The following DGKD variants were observed in gnomAD, a reference collection of about 807,000 sequenced individuals.
DGKD encodes diacylglycerol kinase delta.
A neutral mutation model predicts 154.4 loss-of-function variants in DGKD; 68 were observed. The ratio of observed to expected loss-of-function variants is 0.44; its 90% CI spans 0.36 to 0.54. The LOEUF (loss-of-function observed/expected upper bound fraction) is 0.54. DGKD is among the 20% of genes least tolerant of loss of function. The probability of loss-of-function intolerance (pLI) is 0.00; values close to 1 mark genes in which losing one functional copy is unlikely to be tolerated. For missense variants in DGKD, 1,343 were observed against 1,593.6 expected (o/e 0.84, Z 2.68); for synonymous variants, 693 against 638.0 (o/e 1.09, Z -1.30).
At chr2:233,408,497 C>T (rs1056922537) in intron 3 of DGKD, among the ~76,000 whole-genome samples, 4 of 152,212 alleles carry the variant, frequency 2.6e-5, no homozygotes, top group South Asian at 4.1e-4. Flanking sequence ...GCCCCACGTT[C>T]GTTAGCAGCT....
chr2:233,443,272 C>T lies in DGKD; in HGVS notation c.1194+1277C>T, dbSNP rs577242459. ...TAATTCCTGGTGAAGTTGAACGCCT[C>T]CTCAGTTGGTTATGAAGTTTTAAAT... On this transcript the variant is annotated intron_variant, in intron 10 of 29. Coordinates refer to ENST00000264057, the MANE Select transcript of DGKD (RefSeq NM_152879.3). Among the ~76,000 whole-genome samples, 7 of 152,328 alleles carry T rather than the reference C, an allele frequency of 4.6e-5. No homozygotes were observed. In the South Asian group the frequency reaches 1.2e-3, roughly 27 times the overall value.
intron 3 of DGKD, among the ~76,000 whole-genome samples, chr2:233,395,127 G>A (rs1188780792): frequency 1.3e-5 from 2 of 152,052 alleles, no homozygotes; most frequent in African/African-American, 2.4e-5. Flanking sequence ...TCTGATGCCT[G>A]TGTTTTGTGG....
intron 12 of DGKD, chr2:233,447,365 T>C: frequency 2.1e-6 from 1 of 473,088 alleles, no homozygotes; most frequent in Non-Finnish European, 2.8e-6. Flanking sequence ...TATTTTGTGC[T>C]GGTGCAGTGC....
chr2:233,463,723 T>C, intron 26 of DGKD: 1 of 212,222 alleles, frequency 4.7e-6, no homozygotes. Context: ...ACAGAAATCC[T>C]CACTCTACGC....
At chr2:233,443,667 G>A (rs568919909) in intron 10 of DGKD, among the ~76,000 whole-genome samples, 4 of 152,370 alleles carry the variant, frequency 2.6e-5, no homozygotes, top group Admixed American at 2.0e-4. Context: ...GTATTTCCAG[G>A]TGGGTGGATT....
At chr2:233,429,910 C>T (rs537241502) in intron 3 of DGKD, among the ~76,000 whole-genome samples, 2 of 152,372 alleles carry the variant, frequency 1.3e-5, no homozygotes, top group Admixed American at 6.5e-5. Context: ...CATTTATCCC[C>T]TCTGCGGTGA....
intron 3 of DGKD, among the ~76,000 whole-genome samples, chr2:233,401,549 G>T (rs1157493979): frequency 6.6e-6 from 1 of 152,106 alleles, no homozygotes; most frequent in African/African-American, 2.4e-5. Flanking sequence ...ACCTTAGAGA[G>T]GAAAGACAAG....
At chr2:233,468,278 G>GGCT (rs2124972925) in intron 28 of DGKD, 145 bp from the exon 29 acceptor site, 2 of 931,684 alleles carry the variant, frequency 2.1e-6, no homozygotes, top group Non-Finnish European at 3.1e-6. Context: ...CTCAGGCGCT[G>GGCT]GCTGCTGCTG....
chr2:233,379,702 C>T (rs1213317410), intron 1 of DGKD: 1 of 152,144 alleles, frequency 6.6e-6, no homozygotes, highest in African/African-American at 2.4e-5. Context: ...ACTTGGTGTG[C>T]TTAGGAACCA....
chr2:233,458,212 G>GGAGT lies in DGKD; in HGVS notation c.2581-68_2581-65dup, dbSNP rs1559175410. ...AGGAGGGGCTGACCCCCAGAGGGAG[G>GGAGT]GAGTGAGGGTAGGGGCGGCCTGTGC... On this transcript the variant is annotated intron_variant, in intron 21 of 29. Transcript: ENST00000264057. This position sits in a 1 kb window ranked among gnomAD's most constrained non-coding sequence, Gnocchi z 6.6. 1.0e-6 allele frequency: 1 copy of GGAGT among 955,150 alleles called. No homozygotes were observed. Among genetic ancestry groups the GGAGT allele is most frequent in the Non-Finnish European group, 1.6e-6 (1 of 609,916 alleles). The allele number at this position is 955,150 out of a possible 1,614,324, so 59.2% of individuals were successfully genotyped here. A position where few individuals can be genotyped will look rare whatever the true frequency, so the allele number is the denominator to read the frequency against.
At chr2:233,371,055 C>T (rs1234143807) in intron 1 of DGKD, among the ~76,000 whole-genome samples, 1 of 152,032 alleles carries the variant, frequency 6.6e-6, no homozygotes, top group African/African-American at 2.4e-5. Flanking sequence ...CCCAGCTGAC[C>T]TGTTTTCATT....
In DGKD at chr2:233,454,892, A is replaced by G. The variant is rs779876814; in HGVS notation, c.2375+19A>G. On this transcript the variant is annotated intron_variant, in intron 19 of 29. Transcript: ENST00000264057. ...AGTGCAGGTAGGTAACAGGCTCAGG[A>G]GCACGTCTGTCTTTTGCGTCTTTGT... 13 of 1,495,410 alleles carry G rather than the reference A, an allele frequency of 8.7e-6. No homozygotes were observed. Among genetic ancestry groups the G allele is most frequent in the Non-Finnish European group, 7.5e-6 (8 of 1,072,806 alleles). The allele number at this position is 1,495,410 out of a possible 1,614,324, so 92.6% of individuals were successfully genotyped here. A position where few individuals can be genotyped will look rare whatever the true frequency, so the allele number is the denominator to read the frequency against.
Position 233,449,142 on chromosome 2 carries a change from A to G in DGKD, c.1654A>G (p.Thr552Ala), listed in dbSNP as rs1363322784. The change falls in exon 15 of 30, where the codon ACC becomes GCC. Residue 552 changes from threonine to alanine, a missense_variant. Physicochemically the swap from Thr to Ala is moderately conservative, Grantham distance 58. Around this residue, in one of 6 missense-constraint regions of DGKD, gnomAD observed 409 missense variants for 446.0 expected, o/e 0.92. Transcript: ENST00000264057. The surrounding 1 kb of genome is among the most constrained non-coding windows in gnomAD (Gnocchi z 5.3). ...AGAGAAGCTGGATTCCCTTCTCAAG[A>G]CCTTGGACGATGAGTCCCAGGCCTC... ...LKEKLDSLLK[T>A]LDDESQASSS... The G allele has an allele frequency of 2.5e-5, 41 of 1,608,570 alleles. No individual in the cohort carries two copies. The highest frequency in any genetic ancestry group is 3.5e-5 in the Non-Finnish European group (41 of 1,175,926).
intron 1 of DGKD, among the ~76,000 whole-genome samples, chr2:233,367,856 T>C (rs1188215763): frequency 1.2e-4 from 14 of 116,976 alleles, no homozygotes; most frequent in South Asian, 5.9e-4. Context: ...TTTTTCTTTT[T>C]TTTTTTTTTT....
At chr2:233,402,979 G>T (rs1163248124) in intron 3 of DGKD, among the ~76,000 whole-genome samples, 1 of 152,150 alleles carries the variant, frequency 6.6e-6, no homozygotes, top group Non-Finnish European at 1.5e-5. Context: ...GTGGAAGAAG[G>T]TACAAAGTAC....
chr2:233,359,809 A>G (rs538820513), intron 1 of DGKD, among the ~76,000 whole-genome samples: 4 of 152,232 alleles, frequency 2.6e-5, no homozygotes, highest in African/African-American at 9.6e-5. Context: ...TTTAGAGATG[A>G]TAGTCTAGAA....
intron 3 of DGKD, among the ~76,000 whole-genome samples, chr2:233,412,357 A>C (rs1280110696): frequency 1.3e-5 from 2 of 152,254 alleles, no homozygotes; most frequent in East Asian, 1.9e-4. Context: ...GATTCATTTC[A>C]ATGTAATTTA....
chr2:233,466,833 C>T (rs187140666), intron 27 of DGKD, among the ~76,000 whole-genome samples: 148 of 152,324 alleles, frequency 9.7e-4, no homozygotes, highest in African/African-American at 3.5e-3. Flanking sequence ...GAGAAACGCA[C>T]ATGTAAAGTG....
In DGKD at chr2:233,381,252, G is replaced by A. The variant is rs1241987967; in HGVS notation, c.157-7005G>A. 3.9e-5 allele frequency among the ~76,000 whole-genome samples: 6 copies of A among 152,216 alleles called. No homozygotes were observed. In the East Asian group the frequency reaches 1.2e-3, roughly 29 times the overall value. ...TGCACACTCCCTCAGCTTCTGCCAG[G>A]ATGCGGTAAGATCAGCTTATAGGTA... On this transcript the variant is annotated intron_variant, in intron 1 of 29. Transcript: ENST00000264057.
Sources: gnomAD v4.1 joint callset for allele counts (sites outside exome capture counted in the v4.1 genomes callset) on GRCh38, gnomAD v4.1.1 for gene constraint, gnomAD v4.1.1 regional missense constraint, Gnocchi (gnomAD v3.1) non-coding constraint, MANE v1.5 for transcripts, NCBI Gene and HGNC (gene_info 2026-07-23, HGNC 2026-07-21) for gene names.